The following ARHGAP26 variants were observed in gnomAD, a reference collection of about 807,000 sequenced individuals.
The protein encoded by ARHGAP26 is rho GTPase-activating protein 26.
ARHGAP26 carries 38 observed loss-of-function variants against 104.8 expected under a neutral mutation model. That is an observed-to-expected ratio of 0.36 (90% CI 0.28 to 0.48). The LOEUF (loss-of-function observed/expected upper bound fraction) is 0.48, where lower values mean the gene tolerates loss of function less well. Ranked by LOEUF, ARHGAP26 falls within the 20% of genes least tolerant of loss-of-function variation. ARHGAP26 has a pLI of 0.99. For synonymous variants in ARHGAP26, 341 were observed against 340.0 expected, an observed-to-expected ratio of 1.00 and a Z score of -0.03; for missense variants, 704 against 947.9, an observed-to-expected ratio of 0.74 and a Z score of 3.38.
At chr5:142,987,511 G>T (rs1355141458) in intron 11 of ARHGAP26, among the ~76,000 whole-genome samples, 1 of 149,748 alleles carries the variant, frequency 6.7e-6, no homozygotes, top group Non-Finnish European at 1.5e-5. Flanking sequence ...TGATTGCCCT[G>T]GCCAGAACTT....
intron 17 of ARHGAP26, among the ~76,000 whole-genome samples, chr5:143,112,382 G>C (rs1467960160): frequency 1.3e-5 from 2 of 152,108 alleles, no homozygotes; most frequent in Non-Finnish European, 2.9e-5. Flanking sequence ...ACAGGGACTG[G>C]GTAGAGGAGG....
intron 11 of ARHGAP26, among the ~76,000 whole-genome samples, chr5:143,006,286 T>A (rs960729634): frequency 6.0e-5 from 9 of 151,194 alleles, no homozygotes; most frequent in South Asian, 2.1e-4. Flanking sequence ...CAATGCATTG[T>A]CCTCACCAAC....
intron 17 of ARHGAP26, 57 bp downstream of exon 17, chr5:143,057,804 C>A: frequency 7.1e-7 from 1 of 1,411,872 alleles, no homozygotes; most frequent in Non-Finnish European, 1.0e-6. Flanking sequence ...CTTATCTTAG[C>A]AGTGAAGCTG....
At chr5:143,099,765 G>A (rs1434190095) in intron 17 of ARHGAP26, among the ~76,000 whole-genome samples, 1 of 151,922 alleles carries the variant, frequency 6.6e-6, no homozygotes, top group African/African-American at 2.4e-5. Context: ...GCAATGTGGG[G>A]GAATATCAAA....
At chr5:143,047,612 C>T (rs1784404434) in intron 14 of ARHGAP26, among the ~76,000 whole-genome samples, 1 of 152,120 alleles carries the variant, frequency 6.6e-6, no homozygotes. Context: ...ACATCTTTGC[C>T]ATGCTGTGTA....
At position 143,224,356 on chromosome 5, in the gene ARHGAP26, G is replaced by A. The variant is rs569375906; in HGVS notation, c.*1910G>A. The A allele has an allele frequency of 1.6e-4, 36 of 230,572 alleles. No homozygotes were observed. The highest frequency in any genetic ancestry group is 9.0e-4 in the Admixed American group (16 of 17,712). 14.3% of individuals were successfully genotyped at this position (230,572 alleles called of 1,614,324 possible). ...TCTCTGCTGTCCTGTTGGTGGGCAC[G>A]ACACATCAGTGGTGTTCAGTCTTTA... On this transcript the variant is annotated 3_prime_UTR_variant, in exon 23 of 23. Coordinates refer to ENST00000645722, the MANE Select transcript of ARHGAP26 (RefSeq NM_001135608.3).
chr5:142,832,969 G>T (rs116009054), intron 1 of ARHGAP26, among the ~76,000 whole-genome samples: 1 of 152,118 alleles, frequency 6.6e-6, no homozygotes, highest in Non-Finnish European at 1.5e-5. Context: ...ACCTGTATCT[G>T]TAGAATATTT....
intron 1 of ARHGAP26, among the ~76,000 whole-genome samples, chr5:142,869,208 C>CTTTTTT (rs1262754470): frequency 1.5e-5 from 2 of 137,210 alleles, no homozygotes; most frequent in African/African-American, 2.7e-5. Context: ...TTTCTTTTTT[C>CTTTTTT]TTTTTTTTTT....
chr5:142,804,745 G>A (rs1762673573), intron 1 of ARHGAP26, among the ~76,000 whole-genome samples: 1 of 152,108 alleles, frequency 6.6e-6, no homozygotes, highest in Admixed American at 6.5e-5. Context: ...ACCTGCCTTG[G>A]CTTCCCGAAG....
At chr5:143,195,827 ATATT>A (rs1461639164) in intron 20 of ARHGAP26, among the ~76,000 whole-genome samples, 1 of 151,248 alleles carries the variant, frequency 6.6e-6, no homozygotes, top group East Asian at 1.9e-4. Context: ...TTTTTTTGTA[ATATT>A]TATTAAGTTG....
At chr5:142,816,891 G>C (rs1765244106) in intron 1 of ARHGAP26, among the ~76,000 whole-genome samples, 1 of 152,166 alleles carries the variant, frequency 6.6e-6, no homozygotes, top group South Asian at 2.1e-4. Flanking sequence ...TGTGGAGGCA[G>C]GAGCAGCGGG....
intron 1 of ARHGAP26, among the ~76,000 whole-genome samples, chr5:142,850,168 T>C (rs552099417): frequency 6.6e-5 from 10 of 152,302 alleles, no homozygotes; most frequent in African/African-American, 2.4e-4. Context: ...GTCCCCTTCT[T>C]TTGGCCCTAC....
chr5:143,149,697 C>T (rs1799585979), intron 20 of ARHGAP26, among the ~76,000 whole-genome samples: 1 of 152,142 alleles, frequency 6.6e-6, no homozygotes, highest in Non-Finnish European at 1.5e-5. Context: ...CCCTTTTGTT[C>T]CCTCCATCGT....
At chr5:142,990,749 G>GT in intron 11 of ARHGAP26, among the ~76,000 whole-genome samples, 1 of 152,326 alleles carries the variant, frequency 6.6e-6, no homozygotes, top group South Asian at 2.1e-4. Flanking sequence ...GTTTGCCTGA[G>GT]TATCACCAGT....
chr5:143,005,136 A>G (rs1340523985), intron 11 of ARHGAP26, among the ~76,000 whole-genome samples: 3 of 152,236 alleles, frequency 2.0e-5, no homozygotes, highest in African/African-American at 7.2e-5. Flanking sequence ...AAACACAACT[A>G]AAAAATAAAA....
intron 13 of ARHGAP26, 69 bp from the exon 14 acceptor site, chr5:143,041,747 T>A: frequency 1.4e-5 from 16 of 1,117,686 alleles, no homozygotes; most frequent in Non-Finnish European, 1.8e-5. Context: ...AAAAAGTGCA[T>A]TTGGCTGGAT....
chr5:143,191,245 A>T (rs551467232), intron 20 of ARHGAP26, among the ~76,000 whole-genome samples: 35 of 152,380 alleles, frequency 2.3e-4, no homozygotes, highest in Non-Finnish European at 5.0e-4. Flanking sequence ...TTAAATGTTG[A>T]TAACTGTTGT....
intron 11 of ARHGAP26, among the ~76,000 whole-genome samples, chr5:142,966,975 A>G (rs1322795655): frequency 6.6e-6 from 1 of 152,214 alleles, no homozygotes; most frequent in African/African-American, 2.4e-5. Context: ...GCATATTATT[A>G]TCATAACTCT....
chr5:142,771,497 A>C, intron 1 of ARHGAP26: 2 of 1,026,126 alleles, frequency 1.9e-6, no homozygotes, highest in Non-Finnish European at 2.5e-6. Flanking sequence ...GTAATCTCTA[A>C]ATCTGGAATC....
Sources: allele counts gnomAD v4.1 joint callset (sites outside exome capture counted in the v4.1 genomes callset), GRCh38; gene constraint gnomAD v4.1.1; transcripts MANE v1.5; gene names NCBI Gene and HGNC (gene_info 2026-07-23, HGNC 2026-07-21).